LMAN1: variants seen among roughly 807,000 people sequenced by gnomAD.
The protein encoded by LMAN1 is lectin, mannose binding 1.
A neutral mutation model predicts 67.8 loss-of-function variants in LMAN1; 32 were observed. That is an observed-to-expected ratio of 0.47 (90% CI 0.36 to 0.63). The LOEUF (loss-of-function observed/expected upper bound fraction) is 0.63. LMAN1 is among the 30% of genes least tolerant of loss of function. The probability of loss-of-function intolerance (pLI) is 0.00; values close to 1 mark genes in which losing one functional copy is unlikely to be tolerated. For synonymous variants in LMAN1, 235 were observed against 219.3 expected (o/e 1.07, Z -0.63); for missense variants, 632 against 628.2 (o/e 1.01, Z -0.06).
At chr18:59,333,933 T>A (rs769381848) in intron 10 of LMAN1, among the ~76,000 whole-genome samples, 1 of 152,220 alleles carries the variant, frequency 6.6e-6, no homozygotes, top group Non-Finnish European at 1.5e-5. Flanking sequence ...TAAAAAATTA[T>A]GTTTGAGTTA....
Position 59,332,995 on chromosome 18 carries a change from T to G in LMAN1, c.1374+96A>C. 4 of 991,980 alleles carry G rather than the reference T, an allele frequency of 4.0e-6. No homozygotes were observed. In the South Asian group the frequency reaches 5.5e-5, roughly 14 times the overall value. 61.4% of individuals were successfully genotyped at this position (991,980 alleles called of 1,614,324 possible). A position where few individuals can be genotyped will look rare whatever the true frequency, so the allele number is the denominator to read the frequency against. On this transcript the variant is annotated intron_variant, in intron 11 of 12. Coordinates refer to ENST00000251047, the MANE Select transcript of LMAN1 (RefSeq NM_005570.4). ...CTACCTTAAACATTAAAAATAAGCA[T>G]TAGCATTAACTAAAGGGTTAAAATA...
In LMAN1 at chr18:59,329,086, T is replaced by C. The variant is rs1439031483; in HGVS notation, c.*2007A>G. 2 of 152,182 alleles carry C rather than the reference T, an allele frequency of 1.3e-5. No individual in the cohort carries two copies. Among genetic ancestry groups the C allele is most frequent in the Non-Finnish European group, 2.9e-5 (2 of 68,010 alleles). 9.4% of individuals were successfully genotyped at this position (152,182 alleles called of 1,614,324 possible). A position where few individuals can be genotyped will look rare whatever the true frequency, so the allele number is the denominator to read the frequency against. On this transcript the variant is annotated 3_prime_UTR_variant, in exon 13 of 13. Transcript: ENST00000251047. ...CAGAGCAAACCTTTTTGTTCAGAAATGAGCTCCTTAAAGTCAATGATTTTG... is the reference window on the plus strand; with the variant it reads ...CAGAGCAAACCTTTTTGTTCAGAAACGAGCTCCTTAAAGTCAATGATTTTG...
At chr18:59,357,037 T>A (rs7226565) in intron 1 of LMAN1, among the ~76,000 whole-genome samples, 14,071 of 152,208 alleles carry the variant, frequency 0.092, 780 homozygotes, top group Middle Eastern at 0.14. Context: ...TACTTTTTTT[T>A]TAAAGTAATG....
rs529657971 is a variant in LMAN1 at position 59,328,347 on chromosome 18, G to T, written c.*2746C>A. 41 of 152,248 alleles carry T rather than the reference G, an allele frequency of 2.7e-4. No homozygotes were observed. The highest frequency in any genetic ancestry group is 9.6e-4 in the African/African-American group (40 of 41,554). The allele number at this position is 152,248 out of a possible 1,614,324, so 9.4% of individuals were successfully genotyped here. A position where few individuals can be genotyped will look rare whatever the true frequency, so the allele number is the denominator to read the frequency against. On this transcript the variant is annotated 3_prime_UTR_variant, in exon 13 of 13. Coordinates refer to ENST00000251047, the MANE Select transcript of LMAN1 (RefSeq NM_005570.4). Reference sequence around the variant, plus strand: ...GAGTTTTCATGGCTTGACCATGAATGATCTCAAGATGATTTCATAAGATTA... The same window carrying T: ...GAGTTTTCATGGCTTGACCATGAATTATCTCAAGATGATTTCATAAGATTA...
intron 2 of LMAN1, 23 bp from the exon 3 acceptor site, chr18:59,355,443 A>G (rs774053637): frequency 2.5e-6 from 4 of 1,613,820 alleles, no homozygotes; most frequent in East Asian, 2.2e-5. Context: ...AATAGGGAAC[A>G]GTTAGAGGCT....
At chr18:59,350,298 G>A (rs1328139846) in intron 5 of LMAN1, among the ~76,000 whole-genome samples, 2 of 152,054 alleles carry the variant, frequency 1.3e-5, no homozygotes, top group Non-Finnish European at 2.9e-5. Context: ...ATTTACAACT[G>A]GTCCTCCTCC....
intron 8 of LMAN1, among the ~76,000 whole-genome samples, chr18:59,342,260 C>A (rs1032335112): frequency 6.6e-6 from 1 of 151,890 alleles, no homozygotes; most frequent in Admixed American, 6.6e-5. Flanking sequence ...TCAAGAAGAA[C>A]CAATTCTCCT....
chr18:59,358,560 G>C (rs1367057875), intron 1 of LMAN1, among the ~76,000 whole-genome samples: 1 of 151,568 alleles, frequency 6.6e-6, no homozygotes, highest in East Asian at 1.9e-4. Context: ...GCTAACACCG[G>C]AGCAAAGAAA....
At chr18:59,345,460 T>C (rs932594263) in intron 8 of LMAN1, among the ~76,000 whole-genome samples, 1 of 152,132 alleles carries the variant, frequency 6.6e-6, no homozygotes, top group Non-Finnish European at 1.5e-5. Flanking sequence ...TTCACAACAG[T>C]TTTGATAGAT....
chr18:59,331,116 C>T lies in LMAN1; in HGVS notation c.1510G>A (p.Ala504Thr). ...AGTCAAAAGAATTTTTTGGCAGCTG[C>T]TTCTTGCTGAGACCTAATGAAAAAA... is the stretch of plus-strand genomic sequence containing the variant. ...GYIMYRSQQEAAAKKFF is the reference protein window; with the variant it reads ...GYIMYRSQQETAAKKFF Residue 504 changes from alanine (A) to threonine (T), a missense_variant, in exon 13 of 13, where the codon GCA becomes ACA. Physicochemically the swap from Ala to Thr is moderately conservative, Grantham distance 58. Transcript: ENST00000251047. 2 of 1,611,872 alleles carry T rather than the reference C, an allele frequency of 1.2e-6. No homozygotes were observed. Among genetic ancestry groups the T allele is most frequent in the South Asian group, 2.2e-5 (2 of 90,922 alleles).
intron 10 of LMAN1, among the ~76,000 whole-genome samples, chr18:59,336,052 C>A (rs1353020077): frequency 1.3e-5 from 2 of 152,118 alleles, no homozygotes; most frequent in Non-Finnish European, 1.5e-5. Context: ...TCAGTCCAGC[C>A]AGAATCCAAA....
In LMAN1 at chr18:59,359,177, G is replaced by A. The variant is rs776901542; in HGVS notation, c.68C>T (p.Ser23Leu). The A allele has an allele frequency of 4.3e-6, 7 of 1,613,982 alleles. No individual in the cohort carries two copies. In the Admixed American group the frequency reaches 1.2e-4, roughly 27 times the overall value. The change falls in exon 1 of 13, where the codon TCA (serine) becomes TTA (leucine). Residue 23 changes from serine to leucine, a missense_variant. Transcript: ENST00000251047. ...VRPLFCALLLSLGRFVRGDGV... is the reference protein window; with the variant it reads ...VRPLFCALLLLLGRFVRGDGV... ...GTCGCCCCGGACGAAGCGACCGAGT[G>A]ACAGCAGCAAGGCGCAGAACAGCGG...
chr18:59,345,824 G>T, intron 8 of LMAN1, 95 bp downstream of exon 8: 2 of 1,370,476 alleles, frequency 1.5e-6, no homozygotes, highest in Non-Finnish European at 1.0e-6. Context: ...TGTTCAGAGA[G>T]CAGGGATGAG....
At chr18:59,357,341 T>C (rs1404076687) in intron 1 of LMAN1, among the ~76,000 whole-genome samples, 3 of 152,168 alleles carry the variant, frequency 2.0e-5, no homozygotes, top group Non-Finnish European at 4.4e-5. Context: ...ACATTCCTAA[T>C]TGGCTAATGT....
rs1246501416 is a variant in LMAN1, at chr18:59,330,258, AT to A, written c.*834del. ...ATCATGCAATTTGAGCTGAATTTAC[AT>A]GCTGTAGTAAAGGGAGAAATAAATT... On this transcript the variant is annotated 3_prime_UTR_variant, in exon 13 of 13. Coordinates refer to ENST00000251047, the MANE Select transcript of LMAN1 (RefSeq NM_005570.4). 11 of 152,606 alleles carry A rather than the reference AT, an allele frequency of 7.2e-5. No individual in the cohort carries two copies. The highest frequency in any genetic ancestry group is 2.7e-4 in the African/African-American group (11 of 41,452). The allele number at this position is 152,606 out of a possible 1,614,324, so 9.5% of individuals were successfully genotyped here.
At chr18:59,354,717 G>A in intron 3 of LMAN1, 137 bp from the exon 4 acceptor site, 1 of 536,712 alleles carries the variant, frequency 1.9e-6, no homozygotes, top group Non-Finnish European at 3.3e-6. Flanking sequence ...TGGCACTCAA[G>A]GAATTACTAA....
chr18:59,350,798 A>G (rs547421027), intron 5 of LMAN1, among the ~76,000 whole-genome samples: 51 of 151,450 alleles, frequency 3.4e-4, no homozygotes, highest in African/African-American at 1.1e-3. Context: ...CCCGGCCCCA[A>G]TTTTTTTTTA....
At position 59,355,376 on chromosome 18, in the gene LMAN1, A is replaced by G. The variant is rs1279069713; in HGVS notation, c.414T>C (p.Phe138=). The change falls in exon 3 of 13, where the codon TTT becomes TTC. Residue 138 remains phenylalanine (F), a synonymous_variant. Coordinates refer to ENST00000251047, the MANE Select transcript of LMAN1 (RefSeq NM_005570.4). The part of the protein sequence containing the change: ...AENQGLEGPV[F]GSADLWNGVG... ...CACCATTCCACAGATCAGCTGATCC[A>G]AACACAGGGCCCTCCAAGCCTTGAT... The G allele has an allele frequency of 1.9e-6, 3 of 1,614,032 alleles. No homozygotes were observed. The highest frequency in any genetic ancestry group is 1.3e-5 in the African/African-American group (1 of 74,940).
intron 10 of LMAN1, 147 bp downstream of exon 10, chr18:59,338,410 T>G: frequency 1.4e-6 from 1 of 697,842 alleles, no homozygotes; most frequent in Non-Finnish European, 2.6e-6. Flanking sequence ...GTTGCTGTAT[T>G]TATGGTCCCC....
Sources: allele counts gnomAD v4.1 joint callset (sites outside exome capture counted in the v4.1 genomes callset), GRCh38; gene constraint gnomAD v4.1.1; transcripts MANE v1.5; gene names NCBI Gene and HGNC (gene_info 2026-07-23, HGNC 2026-07-21).